GLIS3: variants seen among roughly 807,000 people sequenced by gnomAD.
GLIS3 encodes the protein zinc finger protein GLIS3.
Under a neutral mutation model 78.6 loss-of-function variants are expected in GLIS3, and 53 were observed. The observed-to-expected ratio is 0.67, with a 90% CI of 0.54 to 0.85. GLIS3 has a LOEUF of 0.85. Among genes scored for constraint, GLIS3 ranks in the 40% least tolerant of loss-of-function variants. The probability of loss-of-function intolerance (pLI) is 0.00; values close to 1 mark genes in which losing one functional copy is unlikely to be tolerated. For synonymous variants in GLIS3, 684 were observed against 509.9 expected, an observed-to-expected ratio of 1.34 and a Z score of -4.60; for missense variants, 1,703 against 1,231.1, an observed-to-expected ratio of 1.38 and a Z score of -5.74.
chr9:4,164,743 T>C (rs12351138), intron 2 of GLIS3, among the ~76,000 whole-genome samples: 12,881 of 152,186 alleles, frequency 0.085, 839 homozygotes, highest in African/African-American at 0.17. Context: ...AAAGATATTG[T>C]ATAAAGTGAG....
chr9:4,203,691 C>G (rs948754119), intron 2 of GLIS3, among the ~76,000 whole-genome samples: 1 of 152,086 alleles, frequency 6.6e-6, no homozygotes, highest in Admixed American at 6.5e-5. Context: ...ATAGCAAAGA[C>G]ATGGAATGAA....
upstream of GLIS3, among the ~76,000 whole-genome samples, chr9:4,348,925 T>C (rs539705184): frequency 1.3e-5 from 2 of 152,368 alleles, no homozygotes; most frequent in South Asian, 2.1e-4. Context: ...TTCTTCTTTA[T>C]AGTTTTTCAT....
intron 8 of GLIS3, among the ~76,000 whole-genome samples, chr9:3,868,162 G>A (rs1416241195): frequency 1.3e-5 from 2 of 152,194 alleles, no homozygotes; most frequent in Middle Eastern, 3.2e-3. Context: ...TTCTGTATGT[G>A]TCAGAAACTC....
At chr9:4,391,286 G>C in the GLIS3 span, among the ~76,000 whole-genome samples, 2 of 152,166 alleles carry the variant, frequency 1.3e-5, no homozygotes, top group Non-Finnish European at 2.9e-5. Context: ...GTTTCCTTCA[G>C]AAATTCCTTA....
Position 3,828,037 on chromosome 9 carries a change from G to T in GLIS3, c.*235C>A, listed in dbSNP as rs1817818024. 7.1e-6 allele frequency: 4 copies of T among 561,052 alleles called. No individual in the cohort carries two copies. Among genetic ancestry groups the T allele is most frequent in the Admixed American group, 6.1e-5 (2 of 32,804 alleles). 34.8% of individuals were successfully genotyped at this position (561,052 alleles called of 1,614,324 possible). On this transcript the variant is annotated 3_prime_UTR_variant, in exon 11 of 11. Transcript: ENST00000381971. ...TGAGGCTCTAAATTCCCTTTGAAAAGACAGTCCTCCTGGTCACATAGTCCA... is the reference window on the plus strand; with the variant it reads ...TGAGGCTCTAAATTCCCTTTGAAAATACAGTCCTCCTGGTCACATAGTCCA...
At chr9:4,379,294 G>A in the GLIS3 span, among the ~76,000 whole-genome samples, 11 of 152,112 alleles carry the variant, frequency 7.2e-5, no homozygotes, top group South Asian at 4.2e-4. Context: ...CTTGAACCTG[G>A]TGCCTTCCCT....
chr9:3,909,475 G>A (rs1283275587), intron 6 of GLIS3, among the ~76,000 whole-genome samples: 1 of 152,138 alleles, frequency 6.6e-6, no homozygotes, highest in Non-Finnish European at 1.5e-5. Flanking sequence ...TTAGAGAAAC[G>A]GCATTGGAAG....
At chr9:4,170,303 A>G (rs1816261656) in intron 2 of GLIS3, among the ~76,000 whole-genome samples, 1 of 152,246 alleles carries the variant, frequency 6.6e-6, no homozygotes, top group Non-Finnish European at 1.5e-5. Flanking sequence ...AGACTTGGAA[A>G]TAGGCTGAAG....
chr9:3,855,933 G>C, intron 9 of GLIS3, 76 bp downstream of exon 9: 1 of 1,501,956 alleles, frequency 6.7e-7, no homozygotes, highest in Non-Finnish European at 9.3e-7. Flanking sequence ...TGAAATCCAC[G>C]ACAGGTAACT....
At chr9:4,338,856 G>A (rs773232774) in intron 2 of GLIS3, among the ~76,000 whole-genome samples, 112 of 152,058 alleles carry the variant, frequency 7.4e-4, no homozygotes, top group Non-Finnish European at 1.3e-3. Context: ...ATTGGTTTGG[G>A]GTATGTGCCT....
At chr9:3,876,648 GAGAGAGAGAA>G (rs1168642111) in intron 8 of GLIS3, among the ~76,000 whole-genome samples, 1 of 6,052 alleles carries the variant, frequency 1.7e-4, no homozygotes, top group African/African-American at 4.7e-4. Context: ...GAGAGAGAGA[GAGAGAGAGAA>G]AGAGAGAGAG....
chr9:4,056,569 G>A (rs908506449), intron 4 of GLIS3, among the ~76,000 whole-genome samples: 2 of 152,130 alleles, frequency 1.3e-5, no homozygotes, highest in Non-Finnish European at 2.9e-5. Context: ...ACTTTGGGAA[G>A]AAAGTAAAGG....
the GLIS3 span, among the ~76,000 whole-genome samples, chr9:4,364,781 A>G: frequency 2.3e-3 from 22 of 9,442 alleles, no homozygotes; most frequent in South Asian, 5.4e-3. Context: ...TTTTTTTTTA[A>G]AGAGACAGGG....
At chr9:3,970,363 T>C (rs950173317) in intron 4 of GLIS3, among the ~76,000 whole-genome samples, 7 of 152,208 alleles carry the variant, frequency 4.6e-5, no homozygotes, top group African/African-American at 1.7e-4. Flanking sequence ...ATCGTGTTGA[T>C]TATTTTTTGA....
At chr9:4,166,767 CAT>C (rs1476291871) in intron 2 of GLIS3, among the ~76,000 whole-genome samples, 1 of 152,234 alleles carries the variant, frequency 6.6e-6, no homozygotes. Context: ...TCTTCAGTCT[CAT>C]GTGTTCTCAG....
Position 3,974,688 on chromosome 9 carries a change from C to A in GLIS3, c.1711-37499G>T, listed in dbSNP as rs987484661. Among the ~76,000 whole-genome samples the A allele has an allele frequency of 2.6e-5, 4 of 151,658 alleles. 1 individual carries two copies. Among genetic ancestry groups the A allele is most frequent in the Non-Finnish European group, 4.4e-5 (3 of 67,880 alleles). On this transcript the variant is annotated intron_variant, in intron 4 of 10. Transcript: ENST00000381971. ...AGAACAGCATTCATATTTTTTTTTC[C>A]ACCTAGGAAGTGTTAAAGACTATGA...
the GLIS3 span, among the ~76,000 whole-genome samples, chr9:4,439,560 T>A: frequency 6.6e-6 from 1 of 152,170 alleles, no homozygotes; most frequent in African/African-American, 2.4e-5. Context: ...TTGACCAACA[T>A]CTCCTCATCT....
At chr9:4,207,898 T>A (rs570326502) in intron 2 of GLIS3, among the ~76,000 whole-genome samples, 9 of 152,324 alleles carry the variant, frequency 5.9e-5, no homozygotes, top group African/African-American at 2.2e-4. Context: ...TAACTTCGCT[T>A]TCTTTATCTG....
chr9:3,877,151 G>A (rs1821371413), intron 8 of GLIS3, among the ~76,000 whole-genome samples: 1 of 152,132 alleles, frequency 6.6e-6, no homozygotes, highest in Non-Finnish European at 1.5e-5. Flanking sequence ...CATTGTGGAT[G>A]GAGTAAGATT....
Sources: gnomAD v4.1 joint callset for allele counts (sites outside exome capture counted in the v4.1 genomes callset) on GRCh38, gnomAD v4.1.1 for gene constraint, MANE v1.5 for transcripts, NCBI Gene and HGNC (gene_info 2026-07-23, HGNC 2026-07-21) for gene names.